Variants in L3HYPDH observed in about 807,000 individuals in gnomAD.
The protein encoded by L3HYPDH is trans-L-3-hydroxyproline dehydratase, also known as trans-3-hydroxy-L-proline dehydratase.
L3HYPDH carries 32 observed loss-of-function variants against 26.5 expected under a neutral mutation model. That is an observed-to-expected ratio of 1.21 (90% CI 0.91 to 1.62). The LOEUF (loss-of-function observed/expected upper bound fraction) is 1.62. Ranked by LOEUF, L3HYPDH falls within the 40% of genes most tolerant of loss-of-function variation. L3HYPDH has a pLI of 0.00. For missense variants in L3HYPDH, 554 were observed against 476.4 expected (o/e 1.16, Z -1.52); for synonymous variants, 215 against 196.6 (o/e 1.09, Z -0.78).
At chr14:59,477,480 C>T (rs1488052545) in intron 2 of L3HYPDH, among the ~76,000 whole-genome samples, 1 of 152,150 alleles carries the variant, frequency 6.6e-6, no homozygotes, top group Non-Finnish European at 1.5e-5. Context: ...CCTCAAAGTC[C>T]ACCCCTTGCC....
At chr14:59,480,860 G>C (rs2139825083) in intron 1 of L3HYPDH, among the ~76,000 whole-genome samples, 1 of 152,332 alleles carries the variant, frequency 6.6e-6, no homozygotes, top group East Asian at 1.9e-4. Flanking sequence ...TGGGCAAGTT[G>C]ATAGAAATGA....
At chr14:59,485,182 A>G (rs889294617), upstream of L3HYPDH, 5 of 1,545,214 alleles carry the variant, frequency 3.2e-6, no homozygotes, top group Non-Finnish European at 4.4e-6. Context: ...GGATTTTGAG[A>G]AACTTTAGAT....
At chr14:59,474,507 G>T (rs983491128) in intron 4 of L3HYPDH, 2 of 700,108 alleles carry the variant, frequency 2.9e-6, no homozygotes, top group African/African-American at 3.5e-5. Context: ...TGCAATCCCA[G>T]ATTCTTCTCA....
chr14:59,474,055 C>T (rs1434379564), intron 4 of L3HYPDH, among the ~76,000 whole-genome samples: 1 of 152,132 alleles, frequency 6.6e-6, no homozygotes, highest in Admixed American at 6.5e-5. Flanking sequence ...ATAACTGAAG[C>T]TAAAGGTAAA....
the L3HYPDH span, chr14:59,504,604 GATA>G: frequency 6.5e-6 from 1 of 152,706 alleles, no homozygotes; most frequent in Non-Finnish European, 1.5e-5. Flanking sequence ...TGCAAAAATA[GATA>G]ATAATTTATA....
chr14:59,494,632 C>T, the L3HYPDH span, among the ~76,000 whole-genome samples: 2 of 152,292 alleles, frequency 1.3e-5, no homozygotes, highest in African/African-American at 2.4e-5. Context: ...GATGTAGTTA[C>T]AAATTGTTGA....
At chr14:59,499,855 C>G in the L3HYPDH span, among the ~76,000 whole-genome samples, 2 of 152,178 alleles carry the variant, frequency 1.3e-5, no homozygotes, top group Non-Finnish European at 2.9e-5. Context: ...CTATAGTTCC[C>G]TCTAGCTCCT....
the L3HYPDH span, among the ~76,000 whole-genome samples, chr14:59,496,997 T>C: frequency 1.0e-5 from 1 of 100,188 alleles, no homozygotes. Context: ...GTCATAGTAA[T>C]TTTTTTTTTT....
At chr14:59,480,806 T>G (rs1002732576) in intron 1 of L3HYPDH, among the ~76,000 whole-genome samples, 2 of 152,202 alleles carry the variant, frequency 1.3e-5, no homozygotes, top group Admixed American at 1.3e-4. Flanking sequence ...TGTCTTTATC[T>G]TGATGCTGGC....
chr14:59,470,644 T>C (rs528903538), downstream of L3HYPDH, among the ~76,000 whole-genome samples: 69 of 152,210 alleles, frequency 4.5e-4, no homozygotes, highest in African/African-American at 1.6e-3. Context: ...GGACCACACC[T>C]ACCTGCAGGG....
At chr14:59,501,259 G>A in the L3HYPDH span, 2 of 1,591,768 alleles carry the variant, frequency 1.3e-6, no homozygotes, top group Non-Finnish European at 1.7e-6. Context: ...GTCTGCTTCT[G>A]AAATAGAGGT....
At chr14:59,495,089 T>C in the L3HYPDH span, 1 of 1,613,688 alleles carries the variant, frequency 6.2e-7, no homozygotes, top group South Asian at 1.1e-5. Flanking sequence ...ACCTTACTTG[T>C]GAGTGATCCA....
At chr14:59,498,751 C>A in the L3HYPDH span, 1 of 1,570,188 alleles carries the variant, frequency 6.4e-7, no homozygotes, top group Non-Finnish European at 8.7e-7. Flanking sequence ...TTATCTATTA[C>A]GCATTCTGCT....
the L3HYPDH span, among the ~76,000 whole-genome samples, chr14:59,497,926 A>C: frequency 6.6e-6 from 1 of 152,202 alleles, no homozygotes; most frequent in Non-Finnish European, 1.5e-5. Flanking sequence ...AAGATAGTAA[A>C]AATGATTTGA....
At chr14:59,502,773 T>TTTTTTTTTTTTTTTTTTTTTTTTTTG in the L3HYPDH span, among the ~76,000 whole-genome samples, 15 of 102,846 alleles carry the variant, frequency 1.5e-4, 1 homozygote, top group African/African-American at 1.6e-4. Flanking sequence ...TTTTTTTTTT[T>TTTTTTTTTTTTTTTTTTTTTTTTTTG]CGGAGTCTCA....
the L3HYPDH span, among the ~76,000 whole-genome samples, chr14:59,490,983 A>G: frequency 6.6e-6 from 1 of 152,252 alleles, no homozygotes; most frequent in Non-Finnish European, 1.5e-5. Context: ...ATGCTCAGAC[A>G]GGAAAGGAGG....
downstream of L3HYPDH, among the ~76,000 whole-genome samples, chr14:59,469,506 G>A (rs1889261814): frequency 7.3e-6 from 1 of 136,414 alleles, no homozygotes; most frequent in Non-Finnish European, 1.5e-5. Flanking sequence ...AGTGAGCCAA[G>A]ATCATGCCAA....
the L3HYPDH span, among the ~76,000 whole-genome samples, chr14:59,489,576 A>G: frequency 6.6e-6 from 1 of 152,310 alleles, no homozygotes; most frequent in African/African-American, 2.4e-5. Flanking sequence ...AAACACTTTC[A>G]GCCTCTGTCT....
chr14:59,498,779 C>T, the L3HYPDH span: 13 of 1,605,158 alleles, frequency 8.1e-6, no homozygotes, highest in East Asian at 2.9e-4. Flanking sequence ...AATGATGCTG[C>T]TCCGACCTCT....
Sources: gnomAD v4.1 joint callset for allele counts (sites outside exome capture counted in the v4.1 genomes callset) on GRCh38, gnomAD v4.1.1 for gene constraint, MANE v1.5 for transcripts, NCBI Gene and HGNC (gene_info 2026-07-23, HGNC 2026-07-21) for gene names.